The following TPD52L1 variants were observed in gnomAD, a reference collection of about 807,000 sequenced individuals.
TPD52L1 encodes the protein tumor protein D53.
A neutral mutation model predicts 28.7 loss-of-function variants in TPD52L1; 18 were observed. The ratio of observed to expected loss-of-function variants is 0.63; its 90% CI spans 0.43 to 0.93. TPD52L1 has a LOEUF of 0.93. Among genes scored for constraint, TPD52L1 ranks in the 40% least tolerant of loss-of-function variants. The pLI, the probability that TPD52L1 is intolerant of heterozygous loss-of-function variation, is 0.00. For synonymous variants in TPD52L1, 75 were observed against 88.8 expected, an observed-to-expected ratio of 0.84 and a Z score of 0.88; for missense variants, 203 against 254.8, an observed-to-expected ratio of 0.80 and a Z score of 1.39.
At chr6:125,192,331 T>C (rs1211770469) in intron 1 of TPD52L1, among the ~76,000 whole-genome samples, 1 of 151,968 alleles carries the variant, frequency 6.6e-6, no homozygotes, top group Non-Finnish European at 1.5e-5. Context: ...CTTTTTTTTT[T>C]TTTTATCTGG....
chr6:125,193,170 C>T (rs1044442227), intron 1 of TPD52L1, among the ~76,000 whole-genome samples: 31 of 152,206 alleles, frequency 2.0e-4, no homozygotes, highest in Admixed American at 1.0e-3. Flanking sequence ...GCCCCTCTAA[C>T]TCTGAAAGCC....
chr6:125,252,172 C>A, intron 4 of TPD52L1: 1 of 967,700 alleles, frequency 1.0e-6, no homozygotes, highest in Non-Finnish European at 1.5e-6. Context: ...TTCCCGTGAC[C>A]AGGAAGATAG....
intron 3 of TPD52L1, among the ~76,000 whole-genome samples, chr6:125,237,007 CA>C (rs372814230): frequency 2.4e-4 from 36 of 152,234 alleles, no homozygotes; most frequent in African/African-American, 8.7e-4. Flanking sequence ...GATAGCATCA[CA>C]AAGCAGAACA....
chr6:125,205,530 AT>A (rs1425564779), intron 1 of TPD52L1, among the ~76,000 whole-genome samples: 4 of 152,268 alleles, frequency 2.6e-5, no homozygotes, highest in African/African-American at 9.6e-5. Flanking sequence ...GCTCTCTGAG[AT>A]TCTTGTCTCT....
In TPD52L1 at chr6:125,254,404, C is replaced by G. The variant is rs528604600; in HGVS notation, c.425+649C>G. Among the ~76,000 whole-genome samples the G allele has an allele frequency of 1.0e-3, 154 of 152,228 alleles. 2 individuals carry two copies. In the South Asian group the frequency reaches 0.031, roughly 31 times the overall value. On this transcript the variant is annotated intron_variant, in intron 5 of 6. Coordinates refer to ENST00000534000, the MANE Select transcript of TPD52L1 (RefSeq NM_003287.4). ...GAAAATCAGAAAATGCAGGCTCTAG[C>G]CCAGCTCTGCCAAGGATTAACTTTG...
At chr6:125,211,628 G>A (rs1267300612) in intron 1 of TPD52L1, among the ~76,000 whole-genome samples, 1 of 152,126 alleles carries the variant, frequency 6.6e-6, no homozygotes, top group Non-Finnish European at 1.5e-5. Context: ...CCCAGCCCCA[G>A]GAGAACCACT....
intron 2 of TPD52L1, among the ~76,000 whole-genome samples, chr6:125,226,083 C>T (rs1036122375): frequency 7.2e-5 from 11 of 152,122 alleles, no homozygotes; most frequent in African/African-American, 2.4e-4. Flanking sequence ...GAACCTTACA[C>T]GTTAATGTAA....
At chr6:125,163,817 T>A (rs1790688481) in intron 1 of TPD52L1, among the ~76,000 whole-genome samples, 2 of 148,312 alleles carry the variant, frequency 1.3e-5, no homozygotes, top group Non-Finnish European at 3.0e-5. Flanking sequence ...CTTGGGAGGC[T>A]GAAGCAGGAG....
chr6:125,163,534 A>T (rs2114746954), intron 1 of TPD52L1, among the ~76,000 whole-genome samples: 1 of 150,804 alleles, frequency 6.6e-6, no homozygotes, highest in East Asian at 2.0e-4. Context: ...GTGAGCTATG[A>T]TTGCATCATT....
At chr6:125,211,830 G>A (rs1013708479) in intron 1 of TPD52L1, among the ~76,000 whole-genome samples, 6 of 152,194 alleles carry the variant, frequency 3.9e-5, no homozygotes, top group South Asian at 2.1e-4. Flanking sequence ...AATAATAGGC[G>A]AGATACGAGT....
chr6:125,210,114 G>A (rs992524449), intron 1 of TPD52L1, among the ~76,000 whole-genome samples: 7 of 152,168 alleles, frequency 4.6e-5, no homozygotes, highest in African/African-American at 1.2e-4. Flanking sequence ...GCTTATGGAC[G>A]TTCAGGAGAA....
intron 1 of TPD52L1, among the ~76,000 whole-genome samples, chr6:125,192,302 GAAC>G (rs1235086894): frequency 2.7e-5 from 4 of 150,170 alleles, no homozygotes; most frequent in African/African-American, 9.8e-5. Flanking sequence ...AGAATTTTGA[GAAC>G]AACAACAAAA....
At position 125,209,050 on chromosome 6, in the gene TPD52L1, C is replaced by A. The variant is rs893864116; in HGVS notation, c.20-11028C>A. 1.1e-5 allele frequency: 8 copies of A among 697,154 alleles called. No individual in the cohort carries two copies. In the African/African-American group the frequency reaches 1.4e-4, roughly 12 times the overall value. The allele number at this position is 697,154 out of a possible 1,614,324, so 43.2% of individuals were successfully genotyped here. On this transcript the variant is annotated intron_variant, in intron 1 of 6. Transcript: ENST00000534000. Reference sequence around the variant, plus strand: ...CTCTGACACAGCTTTATTTATTTCCCATACACAGCCTTGATCTCTGATACT... The same window carrying A: ...CTCTGACACAGCTTTATTTATTTCCAATACACAGCCTTGATCTCTGATACT...
At chr6:125,192,095 G>A (rs1793086713) in intron 1 of TPD52L1, among the ~76,000 whole-genome samples, 1 of 152,136 alleles carries the variant, frequency 6.6e-6, no homozygotes, top group Non-Finnish European at 1.5e-5. Flanking sequence ...TTTGTTGTAG[G>A]AGAATAGTGG....
In TPD52L1 at chr6:125,229,181, A is replaced by G. The variant is rs1795795442; in HGVS notation, c.199A>G (p.Ile67Val). 5 of 1,613,874 alleles carry G rather than the reference A, an allele frequency of 3.1e-6. No homozygotes were observed. Among genetic ancestry groups the G allele is most frequent in the African/African-American group, 1.3e-5 (1 of 75,034 alleles). Residue 67 changes from isoleucine to valine, a missense_variant, in exon 3 of 7, where the codon ATA becomes GTA. Coordinates refer to ENST00000534000, the MANE Select transcript of TPD52L1 (RefSeq NM_003287.4). ...LSAKERHLVE[I>V]KQKLGMNLMN... ...AGCGAAAGAAAGGCATCTAGTTGAG[A>G]TAAAACAAAAACTCGGCATGAACCT...
At chr6:125,249,444 T>G (rs1017552167) in intron 4 of TPD52L1, among the ~76,000 whole-genome samples, 2 of 151,900 alleles carry the variant, frequency 1.3e-5, no homozygotes, top group African/African-American at 4.8e-5. Flanking sequence ...TTTGGGAGAC[T>G]GAGGCAGGTG....
intron 3 of TPD52L1, among the ~76,000 whole-genome samples, chr6:125,239,665 C>A (rs75758535): frequency 0.015 from 2,305 of 152,194 alleles, 51 homozygotes; most frequent in African/African-American, 0.053. Flanking sequence ...GTTTTTTACC[C>A]ACTTTTTGAT....
At chr6:125,244,188 A>G (rs572554489) in intron 3 of TPD52L1, among the ~76,000 whole-genome samples, 42 of 152,178 alleles carry the variant, frequency 2.8e-4, no homozygotes, top group Admixed American at 1.4e-3. Flanking sequence ...AATGGCAGGT[A>G]TCTCTTGAAG....
At chr6:125,166,379 G>T (rs1055391524) in intron 1 of TPD52L1, among the ~76,000 whole-genome samples, 1 of 152,112 alleles carries the variant, frequency 6.6e-6, no homozygotes, top group African/African-American at 2.4e-5. Context: ...CTTCCTGAAG[G>T]GTTAGGTCAG....
Sources: gnomAD v4.1 joint callset for allele counts (sites outside exome capture counted in the v4.1 genomes callset) on GRCh38, gnomAD v4.1.1 for gene constraint, MANE v1.5 for transcripts, NCBI Gene and HGNC (gene_info 2026-07-23, HGNC 2026-07-21) for gene names.